The following TAF4 variants were observed in gnomAD, a reference collection of about 807,000 sequenced individuals.
TAF4 encodes transcription initiation factor TFIID subunit 4.
A neutral mutation model predicts 90.3 loss-of-function variants in TAF4; 9 were observed. The observed-to-expected ratio is 0.10, with a 90% CI of 0.06 to 0.17. The LOEUF (loss-of-function observed/expected upper bound fraction) is 0.17. Among genes scored for constraint, TAF4 ranks in the 10% least tolerant of loss-of-function variants. The probability of loss-of-function intolerance (pLI) is 1.00; values close to 1 mark genes in which losing one functional copy is unlikely to be tolerated. For missense variants in TAF4, 1,351 were observed against 1,370.7 expected, an observed-to-expected ratio of 0.99 and a Z score of 0.23; for synonymous variants, 818 against 638.9, an observed-to-expected ratio of 1.28 and a Z score of -4.23.
chr20:61,998,312 A>G (rs1000684096), intron 12 of TAF4, 120 bp from the exon 13 acceptor site: 1 of 997,212 alleles, frequency 1.0e-6, no homozygotes, highest in African/African-American at 1.7e-5. Context: ...AATGCATAGC[A>G]AATTTGTGAA....
Position 62,024,138 on chromosome 20 carries a change from G to A in TAF4, c.1361-9431C>T, listed in dbSNP as rs561149521. ...GGTGCAAAGTTAAACAGATCAACACGGCCGTGCAGAGTCCACAAGCAGGCC... is the reference window on the plus strand; with the variant it reads ...GGTGCAAAGTTAAACAGATCAACACAGCCGTGCAGAGTCCACAAGCAGGCC... On this transcript the variant is annotated intron_variant, in intron 1 of 14. Coordinates refer to ENST00000252996, the MANE Select transcript of TAF4 (RefSeq NM_003185.4). Among the ~76,000 whole-genome samples the A allele has an allele frequency of 3.3e-5, 5 of 152,174 alleles. No homozygotes were observed. The South Asian group carries it at 6.2e-4, about 19-fold the overall frequency.
In TAF4 at chr20:62,012,805, G is replaced by A; in HGVS notation, c.1641+10C>T. The A allele has an allele frequency of 6.2e-7, 1 of 1,607,082 alleles. No homozygotes were observed. ...TGCAGCCTCAAGAGATCCGCCGCCT[G>A]CCCTCTCACCTGGACGCCGGGCGAG... On this transcript the variant is annotated intron_variant, in intron 3 of 14. Coordinates refer to ENST00000252996, the MANE Select transcript of TAF4 (RefSeq NM_003185.4).
intron 14 of TAF4, among the ~76,000 whole-genome samples, chr20:61,977,164 C>T (rs569430005): frequency 2.3e-4 from 34 of 148,616 alleles, no homozygotes; most frequent in East Asian, 6.2e-4. Flanking sequence ...CACCGCCCAG[C>T]GGGGCACGAG....
rs765539407 is a variant in TAF4, at chr20:62,014,619, C to CTGGGCA, written c.1443_1448dup (p.His481_Ala482dup). On this transcript the variant is annotated inframe_insertion, in exon 2 of 15. Coordinates refer to ENST00000252996, the MANE Select transcript of TAF4 (RefSeq NM_003185.4). ...GGCGAGGCGCCATGGTGGTCTGAGG[C>CTGGGCA]TGGGCATGGGCCTGCGCCTGCATCT... The CTGGGCA allele has an allele frequency of 1.6e-5, 26 of 1,614,078 alleles. No homozygotes were observed. In the East Asian group the frequency reaches 3.1e-4, roughly 19 times the overall value.
In TAF4 at chr20:61,982,015, C is replaced by T. The variant is rs555093534; in HGVS notation, c.3091-5680G>A. ...GGAGACACCAAACTCACACCCCACCCGAGAGGAGACATCAAACCCACACCC... is the reference window on the plus strand; with the variant it reads ...GGAGACACCAAACTCACACCCCACCTGAGAGGAGACATCAAACCCACACCC... On this transcript the variant is annotated intron_variant, in intron 14 of 14. Coordinates refer to ENST00000252996, the MANE Select transcript of TAF4 (RefSeq NM_003185.4). Among the ~76,000 whole-genome samples the T allele has an allele frequency of 1.8e-4, 17 of 96,640 alleles. No individual in the cohort carries two copies. In the South Asian group the frequency reaches 4.3e-3, roughly 24 times the overall value. The allele number at this position is 96,640 out of a possible 152,430, so 63.4% of individuals were successfully genotyped here. A position where few individuals can be genotyped will look rare whatever the true frequency, so the allele number is the denominator to read the frequency against.
chr20:62,016,157 C>A (rs888478346), intron 1 of TAF4, among the ~76,000 whole-genome samples: 1 of 152,224 alleles, frequency 6.6e-6, no homozygotes, highest in African/African-American at 2.4e-5. Context: ...AGAGCTGCTG[C>A]GCGTAACGAG....
chr20:61,989,996 C>T (rs985179999), intron 14 of TAF4, among the ~76,000 whole-genome samples: 1 of 152,066 alleles, frequency 6.6e-6, no homozygotes, highest in Non-Finnish European at 1.5e-5. Flanking sequence ...GAGGTGGGAA[C>T]GTGTGAAATG....
intron 14 of TAF4, among the ~76,000 whole-genome samples, chr20:61,982,733 T>A (rs61589825): frequency 0.078 from 8,879 of 113,748 alleles, 546 homozygotes; most frequent in African/African-American, 0.19. Flanking sequence ...CCAAACCCAA[T>A]GCACTGCGAG....
Position 62,003,820 on chromosome 20 carries a change from G to A in TAF4, c.2282C>T (p.Thr761Met), listed in dbSNP as rs777163384. 3.1e-6 allele frequency: 5 copies of A among 1,605,736 alleles called. No homozygotes were observed. The highest frequency in any genetic ancestry group is 4.2e-6 in the Non-Finnish European group (5 of 1,177,892). The change falls in exon 8 of 15, where the codon ACG becomes ATG. Residue 761 changes from threonine to methionine, a missense_variant. Physicochemically the swap from Thr to Met is moderately conservative, Grantham distance 81. Coordinates refer to ENST00000252996, the MANE Select transcript of TAF4 (RefSeq NM_003185.4). Reference sequence around the variant, plus strand: ...CCGCAGGGCGACCATGGGTGTCTGCGTCAACGTCACCTGCGGGGGCCGGAT... The same window carrying A: ...CCGCAGGGCGACCATGGGTGTCTGCATCAACGTCACCTGCGGGGGCCGGAT... ...ALIRPPQVTL[T>M]QTPMVALRQP...
chr20:62,042,425 C>G (rs893764949), intron 1 of TAF4, among the ~76,000 whole-genome samples: 6 of 152,380 alleles, frequency 3.9e-5, no homozygotes, highest in African/African-American at 9.6e-5. Flanking sequence ...CGCACAAGGA[C>G]TCGGGTACCG....
chr20:61,994,188 ATGT>A (rs770661818), intron 14 of TAF4, among the ~76,000 whole-genome samples: 6 of 152,036 alleles, frequency 3.9e-5, no homozygotes, highest in East Asian at 1.9e-4. Flanking sequence ...TTCTCGATAT[ATGT>A]TGTTGTTGTT....
Position 62,006,467 on chromosome 20 carries a change from G to A in TAF4, c.2223+43C>T. ...TATCTAAGAAGCGGGCGGGAGCAGA[G>A]GCACGGTGGGCTGTGCAGACCAGTC... On this transcript the variant is annotated intron_variant, in intron 7 of 14. Coordinates refer to ENST00000252996, the MANE Select transcript of TAF4 (RefSeq NM_003185.4). The surrounding 1 kb of genome is among the most constrained non-coding windows in gnomAD (Gnocchi z 7.0). 1 of 1,379,316 alleles carries A rather than the reference G, an allele frequency of 7.2e-7. No homozygotes were observed. The highest frequency in any genetic ancestry group is 9.4e-7 in the Non-Finnish European group (1 of 1,062,726). 85.4% of individuals were successfully genotyped at this position (1,379,316 alleles called of 1,614,324 possible). A position where few individuals can be genotyped will look rare whatever the true frequency, so the allele number is the denominator to read the frequency against.
intron 1 of TAF4, among the ~76,000 whole-genome samples, chr20:62,063,537 G>C (rs986590548): frequency 6.6e-6 from 1 of 152,208 alleles, no homozygotes; most frequent in African/African-American, 2.4e-5. Context: ...GAGTCGCAGA[G>C]ACAGCAGACT....
chr20:62,010,071 G>A lies in TAF4; in HGVS notation c.1736C>T (p.Ala579Val), dbSNP rs1198912126. ...TGTPQRTVPG[A>V]TTTSSAATET... ...CGTGGCAGCTGAGGAAGTGGTGGTC[G>A]CCCCTGGTACCGTGCGCTGAGGAGT... The change falls in exon 4 of 15, where the codon GCG becomes GTG. Residue 579 changes from alanine to valine, a missense_variant. Physicochemically the swap from Ala to Val is moderately conservative, Grantham distance 64 (BLOSUM62 0). Around this residue, in one of 9 missense-constraint regions of TAF4, gnomAD observed 44 missense variants for 97.4 expected, o/e 0.45. Transcript: ENST00000252996. This position sits in a 1 kb window ranked among gnomAD's most constrained non-coding sequence, Gnocchi z 4.5. 22 of 1,613,504 alleles carry A rather than the reference G, an allele frequency of 1.4e-5. No individual in the cohort carries two copies. The highest frequency in any genetic ancestry group is 1.8e-5 in the Non-Finnish European group (21 of 1,179,972).
intron 1 of TAF4, among the ~76,000 whole-genome samples, chr20:62,028,541 C>T (rs559475305): frequency 2.3e-4 from 35 of 152,134 alleles, no homozygotes; most frequent in Non-Finnish European, 4.1e-4. Context: ...GGAACCATCC[C>T]GAGAACACTG....
At chr20:62,039,516 A>C (rs974836232) in intron 1 of TAF4, among the ~76,000 whole-genome samples, 1 of 152,230 alleles carries the variant, frequency 6.6e-6, no homozygotes, top group Non-Finnish European at 1.5e-5. Flanking sequence ...GCAAAAATTT[A>C]TTTAAGAAGG....
chr20:61,979,539 C>T (rs1273959959), intron 14 of TAF4, among the ~76,000 whole-genome samples: 7 of 145,614 alleles, frequency 4.8e-5, no homozygotes, highest in Admixed American at 1.3e-4. Flanking sequence ...CCCGTGCAGG[C>T]GCCATGGCCA....
chr20:62,030,537 G>A (rs1030844706), intron 1 of TAF4, among the ~76,000 whole-genome samples: 3 of 152,262 alleles, frequency 2.0e-5, no homozygotes, highest in South Asian at 2.1e-4. Context: ...GCGGCCTGTC[G>A]TGCCTCGAAG....
intron 14 of TAF4, among the ~76,000 whole-genome samples, chr20:61,989,225 C>A (rs932435681): frequency 6.6e-6 from 1 of 152,144 alleles, no homozygotes. Context: ...CTGGCACGGC[C>A]TGGGAGCAGG....
Sources: gnomAD v4.1 joint callset for allele counts (sites outside exome capture counted in the v4.1 genomes callset) on GRCh38, gnomAD v4.1.1 for gene constraint, gnomAD v4.1.1 regional missense constraint, Gnocchi (gnomAD v3.1) non-coding constraint, MANE v1.5 for transcripts, NCBI Gene and HGNC (gene_info 2026-07-23, HGNC 2026-07-21) for gene names.